Variants in C9orf153 observed in about 807,000 individuals in gnomAD.
The protein encoded by C9orf153 is uncharacterized protein C9orf153.
In C9orf153, 10 loss-of-function variants were observed where a neutral mutation model predicts 9.0. The ratio of observed to expected loss-of-function variants is 1.11; its 90% CI spans 0.69 to 1.89. The LOEUF (loss-of-function observed/expected upper bound fraction) is 1.89, where lower values mean the gene tolerates loss of function less well. C9orf153 is among the 40% of genes most tolerant of loss of function. The pLI, the probability that C9orf153 is intolerant of heterozygous loss-of-function variation, is 0.00. For missense variants in C9orf153, 108 were observed against 111.0 expected (o/e 0.97, Z 0.12); for synonymous variants, 35 against 37.3 (o/e 0.94, Z 0.23).
At chr9:86,247,548 G>A (rs766588060) in intron 1 of C9orf153, among the ~76,000 whole-genome samples, 12 of 152,010 alleles carry the variant, frequency 7.9e-5, no homozygotes, top group South Asian at 2.1e-4. Flanking sequence ...CAGGCATAGT[G>A]GTGCACCTAT....
At chr9:86,227,810 A>T (rs1824369620) in intron 3 of C9orf153, 45 bp downstream of exon 3, 3 of 1,572,620 alleles carry the variant, frequency 1.9e-6, no homozygotes, top group Non-Finnish European at 2.6e-6. Flanking sequence ...GCGGTAGAGG[A>T]GCTCAATCAT....
chr9:86,245,449 GT>G (rs1368591707), intron 1 of C9orf153, among the ~76,000 whole-genome samples: 5 of 152,050 alleles, frequency 3.3e-5, no homozygotes, highest in Admixed American at 3.3e-4. Flanking sequence ...ACCATTCTGC[GT>G]TCTGTCTCTG....
chr9:86,226,786 C>T (rs1009681171), intron 3 of C9orf153, among the ~76,000 whole-genome samples: 2 of 151,964 alleles, frequency 1.3e-5, no homozygotes, highest in Non-Finnish European at 2.9e-5. Context: ...TTTTTTGAGA[C>T]AGAGTTTTGT....
intron 3 of C9orf153, among the ~76,000 whole-genome samples, chr9:86,226,839 A>G (rs1824348767): frequency 6.6e-6 from 1 of 152,078 alleles, no homozygotes. Context: ...ATCTCTGCTC[A>G]CTGCAATCTC....
chr9:86,251,316 CA>C (rs1231149007), intron 1 of C9orf153, among the ~76,000 whole-genome samples: 5 of 152,088 alleles, frequency 3.3e-5, no homozygotes, highest in Admixed American at 2.0e-4. Flanking sequence ...TGTCCTGTTT[CA>C]CACTGAAAAA....
chr9:86,239,297 T>G (rs1472886146), intron 1 of C9orf153, among the ~76,000 whole-genome samples: 1 of 152,126 alleles, frequency 6.6e-6, no homozygotes, highest in African/African-American at 2.4e-5. Context: ...TTAAAAATGT[T>G]AACAGTTCCA....
chr9:86,232,302 C>A (rs1395654487), intron 1 of C9orf153, among the ~76,000 whole-genome samples: 2 of 152,166 alleles, frequency 1.3e-5, no homozygotes, highest in Admixed American at 6.5e-5. Flanking sequence ...TGCTTTTAGA[C>A]ACTTAAAGGT....
chr9:86,228,078 AAT>A, intron 2 of C9orf153, 48 bp from the exon 3 acceptor site: 1 of 1,403,082 alleles, frequency 7.1e-7, no homozygotes, highest in Non-Finnish European at 9.7e-7. Context: ...ACAAAAATGT[AAT>A]ATTCTGGCAG....
Position 86,243,475 on chromosome 9 carries a change from T to C in C9orf153, c.-26-13846A>G, listed in dbSNP as rs1053044561. Reference sequence around the variant, plus strand: ...TTTTTCTTTTTCTTTTCTTCTTTTTTTTTTTTTGAGATGGAGTTTCACTCT... The same window carrying C: ...TTTTTCTTTTTCTTTTCTTCTTTTTCTTTTTTTGAGATGGAGTTTCACTCT... On this transcript the variant is annotated intron_variant, in intron 1 of 3. Coordinates refer to ENST00000339137, the MANE Select transcript of C9orf153 (RefSeq NM_001276366.4). Among the ~76,000 whole-genome samples the C allele has an allele frequency of 2.9e-3, 443 of 151,730 alleles. 17 individuals are homozygous for C. The East Asian group carries it at 0.072, about 25-fold the overall frequency.
chr9:86,234,233 T>C (rs553626008), intron 1 of C9orf153, among the ~76,000 whole-genome samples: 1 of 152,362 alleles, frequency 6.6e-6, no homozygotes, highest in Admixed American at 6.5e-5. Flanking sequence ...CACTCTGATT[T>C]CCCATTTAGT....
intron 1 of C9orf153, among the ~76,000 whole-genome samples, chr9:86,231,888 C>T (rs1824479525): frequency 6.6e-6 from 1 of 152,184 alleles, no homozygotes; most frequent in African/African-American, 2.4e-5. Context: ...TCAATCATTG[C>T]TATTGTCTTT....
intron 1 of C9orf153, among the ~76,000 whole-genome samples, chr9:86,241,163 A>G (rs978674266): frequency 7.9e-5 from 12 of 151,908 alleles, no homozygotes; most frequent in Non-Finnish European, 1.5e-4. Context: ...CCACCAACTC[A>G]CCTAGTATAT....
chr9:86,245,392 C>T (rs1484306366), intron 1 of C9orf153, among the ~76,000 whole-genome samples: 2 of 152,168 alleles, frequency 1.3e-5, no homozygotes, highest in Non-Finnish European at 2.9e-5. Context: ...AAACCTTATA[C>T]CCACTGAAAA....
chr9:86,242,260 G>A (rs1824761346), intron 1 of C9orf153, among the ~76,000 whole-genome samples: 1 of 152,020 alleles, frequency 6.6e-6, no homozygotes, highest in South Asian at 2.1e-4. Context: ...GAGGGAGAGA[G>A]GAGGGGAAAG....
intron 3 of C9orf153, among the ~76,000 whole-genome samples, chr9:86,222,285 G>A (rs950172689): frequency 3.6e-4 from 55 of 152,214 alleles, no homozygotes; most frequent in African/African-American, 1.3e-3. Flanking sequence ...CTGGGCTTGA[G>A]TGGACCCTGC....
At chr9:86,241,877 T>G (rs1242298284) in intron 1 of C9orf153, among the ~76,000 whole-genome samples, 1 of 152,070 alleles carries the variant, frequency 6.6e-6, no homozygotes, top group Non-Finnish European at 1.5e-5. Flanking sequence ...CCTCCCCTCT[T>G]GGCCTCCCAA....
chr9:86,246,666 T>G (rs1261818834), intron 1 of C9orf153, among the ~76,000 whole-genome samples: 1 of 152,114 alleles, frequency 6.6e-6, no homozygotes, highest in Non-Finnish European at 1.5e-5. Context: ...ATAAAATGTA[T>G]ATGTGTTATT....
chr9:86,226,109 T>C (rs1226696861), intron 3 of C9orf153, among the ~76,000 whole-genome samples: 1 of 152,200 alleles, frequency 6.6e-6, no homozygotes, highest in Non-Finnish European at 1.5e-5. Context: ...TTGTGTACTT[T>C]GCGAATTATC....
chr9:86,239,127 G>A (rs553441179), intron 1 of C9orf153, among the ~76,000 whole-genome samples: 17 of 152,052 alleles, frequency 1.1e-4, no homozygotes, highest in Admixed American at 4.6e-4. Context: ...CAGGCGTGGC[G>A]GCGCATGCCT....
Sources: gnomAD v4.1 joint callset for allele counts (sites outside exome capture counted in the v4.1 genomes callset) on GRCh38, gnomAD v4.1.1 for gene constraint, MANE v1.5 for transcripts, NCBI Gene and HGNC (gene_info 2026-07-23, HGNC 2026-07-21) for gene names.